The following DNAH5 variants were observed in gnomAD, a reference collection of about 807,000 sequenced individuals.
The protein encoded by DNAH5 is axonemal beta dynein heavy chain 5.
A neutral mutation model predicts 518.2 loss-of-function variants in DNAH5; 372 were observed. The ratio of observed to expected loss-of-function variants is 0.72; its 90% CI spans 0.66 to 0.78. The LOEUF (loss-of-function observed/expected upper bound fraction) is 0.78. Among genes scored for constraint, DNAH5 ranks in the 30% least tolerant of loss-of-function variants. The pLI, the probability that DNAH5 is intolerant of heterozygous loss-of-function variation, is 0.00. For missense variants in DNAH5, 5,523 were observed against 5,687.0 expected, an observed-to-expected ratio of 0.97 and a Z score of 0.93; for synonymous variants, 2,039 against 2,025.9, an observed-to-expected ratio of 1.01 and a Z score of -0.17.
At chr5:13,847,717 T>C (rs1463966965) in intron 31 of DNAH5, among the ~76,000 whole-genome samples, 3 of 142,904 alleles carry the variant, frequency 2.1e-5, no homozygotes, top group East Asian at 4.1e-4. Context: ...GAGTGAGACC[T>C]CATCTCAAAA....
intron 35 of DNAH5, among the ~76,000 whole-genome samples, chr5:13,835,547 C>A (rs1192528661): frequency 6.6e-6 from 1 of 152,116 alleles, no homozygotes; most frequent in Non-Finnish European, 1.5e-5. Context: ...CCAGATAACT[C>A]CATGTGTGCA....
At chr5:13,889,686 T>C (rs1772922364) in intron 17 of DNAH5, among the ~76,000 whole-genome samples, 1 of 152,146 alleles carries the variant, frequency 6.6e-6, no homozygotes. Flanking sequence ...GTAAGAACCT[T>C]GGGCCCTGAG....
At chr5:13,943,562 G>A (rs533232297) in intron 1 of DNAH5, among the ~76,000 whole-genome samples, 47 of 152,298 alleles carry the variant, frequency 3.1e-4, no homozygotes, top group African/African-American at 1.1e-3. Context: ...AAGTTCAGGG[G>A]CTTGGCTGCA....
At chr5:13,980,980 C>T (rs1782634136) in intron 1 of DNAH5, among the ~76,000 whole-genome samples, 1 of 152,214 alleles carries the variant, frequency 6.6e-6, no homozygotes. Flanking sequence ...GGTCCCTGCT[C>T]AAATGCTCCC....
rs185065563 is a variant in DNAH5 at position 13,985,284 on chromosome 5, G to T, written c.12+26364C>A. Among the ~76,000 whole-genome samples, 584 of 132,466 alleles carry T rather than the reference G, an allele frequency of 4.4e-3. 5 individuals are homozygous for T. The highest frequency in any genetic ancestry group is 6.5e-3 in the Admixed American group (85 of 13,058). 86.9% of individuals were successfully genotyped at this position (132,466 alleles called of 152,430 possible). ...CACACACCGGGGCCTGTTGTAGGGT[G>T]GGGGGAGGGGGGAGTGATAGCATTA... On this transcript the variant is annotated intron_variant, in intron 1 of 78. Coordinates refer to the DNAH5 transcript ENST00000681290.
At chr5:13,780,429 C>T (rs1035037728) in intron 53 of DNAH5, among the ~76,000 whole-genome samples, 2 of 152,170 alleles carry the variant, frequency 1.3e-5, no homozygotes, top group African/African-American at 4.8e-5. Context: ...AGGCAGTGTT[C>T]AATAACTATT....
chr5:13,830,273 A>C, intron 36 of DNAH5, 60 bp from the exon 37 acceptor site: 2 of 1,476,856 alleles, frequency 1.4e-6, no homozygotes, highest in Non-Finnish European at 1.9e-6. Context: ...AACCAAGAAA[A>C]AGGATATTAT....
intron 61 of DNAH5, among the ~76,000 whole-genome samples, chr5:13,757,711 AT>A (rs1394779481): frequency 6.6e-6 from 1 of 152,198 alleles, no homozygotes; most frequent in African/African-American, 2.4e-5. Flanking sequence ...TTTAAAAAAA[AT>A]CTCATTAAAA....
At chr5:13,810,021 C>T (rs1561318449) in intron 45 of DNAH5, 38 bp downstream of exon 45, 6 of 1,537,200 alleles carry the variant, frequency 3.9e-6, no homozygotes, top group Non-Finnish European at 4.4e-6. Context: ...GAAAGAACGG[C>T]CCCCATGGGT....
chr5:13,987,672 GT>G lies in DNAH5; in HGVS notation c.12+23975del, dbSNP rs577603506. ...GTTCAAGACCAGCCTGGCCAACATG[GT>G]GAAACCCCGTCTCTACTAAAAATAC... On this transcript the variant is annotated intron_variant, in intron 1 of 78. Coordinates refer to the DNAH5 transcript ENST00000681290. Among the ~76,000 whole-genome samples the G allele has an allele frequency of 3.7e-4, 57 of 152,042 alleles. 1 individual carries two copies. In the East Asian group the frequency reaches 0.011, roughly 29 times the overall value.
intron 28 of DNAH5, among the ~76,000 whole-genome samples, 198 bp downstream of exon 28, chr5:13,864,199 C>T (rs1388284205): frequency 6.6e-6 from 1 of 152,220 alleles, no homozygotes; most frequent in Admixed American, 6.5e-5. Context: ...AAATGCAGGA[C>T]TGCATTGTTA....
intron 78 of DNAH5, among the ~76,000 whole-genome samples, chr5:13,697,141 C>A (rs547923621): frequency 6.6e-6 from 1 of 152,244 alleles, no homozygotes; most frequent in South Asian, 2.1e-4. Context: ...AACATTTTTA[C>A]AATATGTTGA....
chr5:13,754,202 C>G lies in DNAH5; in HGVS notation c.10555+1G>C. The G allele has an allele frequency of 6.2e-7, 1 of 1,614,016 alleles. No individual in the cohort carries two copies. The highest frequency in any genetic ancestry group is 8.5e-7 in the Non-Finnish European group (1 of 1,179,948). ...TCTCATTAATAAAGAAATTTACATA[C>G]CTACAAGTCTTTTAGTTTGTGCAGC... On this transcript the variant is annotated splice_donor_variant, in intron 62 of 78. Coordinates refer to ENST00000265104, the MANE Select transcript of DNAH5 (RefSeq NM_001369.3). LOFTEE classifies it high-confidence loss of function.
intron 24 of DNAH5, among the ~76,000 whole-genome samples, chr5:13,868,931 A>G (rs1212484822): frequency 6.6e-6 from 1 of 152,198 alleles, no homozygotes; most frequent in Non-Finnish European, 1.5e-5. Context: ...TGTCTTCCGA[A>G]TAACTTCCAT....
intron 72 of DNAH5, 63 bp from the exon 73 acceptor site, chr5:13,717,583 T>G: frequency 7.7e-7 from 1 of 1,290,856 alleles, no homozygotes; most frequent in Admixed American, 1.8e-5. Flanking sequence ...TCTACTACTT[T>G]TATAAGTAAT....
chr5:13,770,956 T>C lies in DNAH5; in HGVS notation c.9398A>G (p.Tyr3133Cys), dbSNP rs1213099087. ...GATTTCCAAACTGCAGTCAATATCA[T>C]AGGAAGTGAGGAAGTGTTCAGACAC... The part of the protein sequence containing the change: ...VAVSEHFLTS[Y>C]DIDCSLEIKK... The change falls in exon 56 of 79, where the codon TAT (tyrosine) becomes TGT (cysteine). Residue 3133 changes from tyrosine to cysteine, a missense_variant. Transcript: ENST00000265104. The C allele has an allele frequency of 6.8e-6, 11 of 1,613,678 alleles. No homozygotes were observed. Among genetic ancestry groups the C allele is most frequent in the South Asian group, 1.1e-5 (1 of 91,082 alleles).
Position 13,794,069 on chromosome 5 carries a change from A to C in DNAH5, c.7888-11T>G. Reference sequence around the variant, plus strand: ...GCTCTCTATCGTCCTCTGTGAAAAAAAAATCAACTGAAACATCTGTGAAAA... The same window carrying C: ...GCTCTCTATCGTCCTCTGTGAAAAACAAATCAACTGAAACATCTGTGAAAA... On this transcript the variant is annotated splice_polypyrimidine_tract_variant and intron_variant, in intron 47 of 78. Transcript: ENST00000265104. 6.2e-7 allele frequency: 1 copy of C among 1,614,102 alleles called. No homozygotes were observed.
intron 47 of DNAH5, among the ~76,000 whole-genome samples, chr5:13,794,910 T>A (rs1000752776): frequency 6.6e-6 from 1 of 152,172 alleles, no homozygotes; most frequent in African/African-American, 2.4e-5. Flanking sequence ...GAGCTTGCAG[T>A]GAGCCAAGAT....
chr5:13,754,876 A>C (rs866482334), intron 61 of DNAH5, among the ~76,000 whole-genome samples: 5 of 151,882 alleles, frequency 3.3e-5, no homozygotes, highest in Non-Finnish European at 5.9e-5. Context: ...CCGGTGGCTC[A>C]CACCTGTAAT....
Sources: allele counts gnomAD v4.1 joint callset (sites outside exome capture counted in the v4.1 genomes callset), GRCh38; gene constraint gnomAD v4.1.1; transcripts MANE v1.5; gene names NCBI Gene and HGNC (gene_info 2026-07-23, HGNC 2026-07-21).